Variants in TAS1R1 observed in about 807,000 individuals in gnomAD.
TAS1R1 encodes the protein taste 1 receptor member 1.
In TAS1R1, 31 loss-of-function variants were observed where a neutral mutation model predicts 45.8. The ratio of observed to expected loss-of-function variants is 0.68; its 90% CI spans 0.51 to 0.91. The LOEUF is 0.91. Among genes scored for constraint, TAS1R1 ranks in the 40% least tolerant of loss-of-function variants. The pLI is 0.00. For missense variants in TAS1R1, 1,051 were observed against 1,063.9 expected, an observed-to-expected ratio of 0.99 and a Z score of 0.17; for synonymous variants, 437 against 448.4, an observed-to-expected ratio of 0.97 and a Z score of 0.32.
Position 6,578,567 on chromosome 1 carries a change from A to G in TAS1R1, c.1595-86A>G, listed in dbSNP as rs978451031. The G allele has an allele frequency of 2.1e-5, 31 of 1,507,844 alleles. 1 individual carries two copies. The Middle Eastern group carries it at 7.5e-4, about 36-fold the overall frequency. 93.4% of individuals were successfully genotyped at this position (1,507,844 alleles called of 1,614,324 possible). ...AGTATAGTCTAGCTGCCCTGGTACAATTCTCCCAGTATCTTGCAGGCCCCT... is the reference window on the plus strand; with the variant it reads ...AGTATAGTCTAGCTGCCCTGGTACAGTTCTCCCAGTATCTTGCAGGCCCCT... On this transcript the variant is annotated intron_variant, in intron 5 of 5. Transcript: ENST00000333172.
chr1:6,572,915 G>A (rs1220581764), intron 2 of TAS1R1, among the ~76,000 whole-genome samples: 1 of 152,116 alleles, frequency 6.6e-6, no homozygotes. Flanking sequence ...CCAATCCTCT[G>A]GTGGAGGGTA....
chr1:6,556,983 C>T (rs1043182504), intron 1 of TAS1R1, among the ~76,000 whole-genome samples: 20 of 144,916 alleles, frequency 1.4e-4, no homozygotes, highest in Middle Eastern at 6.9e-3. Context: ...CATTCCAACC[C>T]GGGCGACAGA....
intron 1 of TAS1R1, among the ~76,000 whole-genome samples, chr1:6,556,524 G>A (rs1477485770): frequency 4.0e-5 from 6 of 151,816 alleles, no homozygotes; most frequent in African/African-American, 9.7e-5. Flanking sequence ...CCTTAGCCTC[G>A]GGAGTAGCTG....
At chr1:6,569,691 G>A (rs1179056212) in intron 1 of TAS1R1, among the ~76,000 whole-genome samples, 2 of 152,114 alleles carry the variant, frequency 1.3e-5, no homozygotes, top group Non-Finnish European at 2.9e-5. Flanking sequence ...TGTCCCGCAA[G>A]CCCTGTCTGG....
rs1224507096 is a variant in TAS1R1 at position 6,568,771 on chromosome 1, C to T, written c.192-2138C>T. On this transcript the variant is annotated intron_variant, in intron 1 of 5. Transcript: ENST00000333172. ...GTAGGATCTTGCTGATGAAGATTGGCGGCATGTGCCTGTGCTGCAAGCCAC... is the reference window on the plus strand; with the variant it reads ...GTAGGATCTTGCTGATGAAGATTGGTGGCATGTGCCTGTGCTGCAAGCCAC... 2.6e-5 allele frequency among the ~76,000 whole-genome samples: 4 copies of T among 151,996 alleles called. No homozygotes were observed. In the South Asian group the frequency reaches 6.2e-4, roughly 24 times the overall value.
intron 1 of TAS1R1, among the ~76,000 whole-genome samples, chr1:6,556,183 T>C (rs1639680890): frequency 6.6e-6 from 1 of 151,948 alleles, no homozygotes; most frequent in African/African-American, 2.4e-5. Flanking sequence ...TTTTTCCCTC[T>C]TCTATCTTCT....
intron 2 of TAS1R1, 51 bp downstream of exon 2, chr1:6,571,266 C>A: frequency 6.6e-7 from 1 of 1,505,874 alleles, no homozygotes; most frequent in Non-Finnish European, 8.9e-7. Flanking sequence ...CAAGTCTGGG[C>A]TGGGGCATGT....
Position 6,578,730 on chromosome 1 carries a change from G to A in TAS1R1, c.1672G>A (p.Val558Met). 3 of 1,613,500 alleles carry A rather than the reference G, an allele frequency of 1.9e-6. No homozygotes were observed. The highest frequency in any genetic ancestry group is 1.7e-6 in the Non-Finnish European group (2 of 1,179,620). The change falls in exon 6 of 6, where the codon GTG (valine) becomes ATG (methionine). Residue 558 changes from valine to methionine, a missense_variant. Physicochemically the swap from Val to Met is conservative, Grantham distance 21. Transcript: ENST00000333172. ...GSQTCFPRTVVFLALREHTSW... is the reference protein window; with the variant it reads ...GSQTCFPRTVMFLALREHTSW... ...CCAGACCTGCTTCCCGCGCACTGTG[G>A]TGTTTTTGGCTTTGCGTGAGCACAC...
At chr1:6,567,560 A>G (rs1268420422) in intron 1 of TAS1R1, among the ~76,000 whole-genome samples, 1 of 51,558 alleles carries the variant, frequency 1.9e-5, no homozygotes, top group Admixed American at 2.9e-4. Context: ...ACTCCGTCTC[A>G]AAGAAAAAAA....
At position 6,575,053 on chromosome 1, in the gene TAS1R1, G is replaced by T. The variant is rs769715667; in HGVS notation, c.921G>T (p.Arg307Ser). 1 of 1,587,624 alleles carries T rather than the reference G, an allele frequency of 6.3e-7. No individual in the cohort carries two copies. Among genetic ancestry groups the T allele is most frequent in the Admixed American group, 1.7e-5 (1 of 58,010 alleles). ...CCTCAGAAGCCTGGGCCCTCTCCAG[G>T]CACATCACTGGGGTGCCCGGGATCC... ...WVASEAWALS[R>S]HITGVPGIQR... Residue 307 changes from arginine (R) to serine (S), a missense_variant, in exon 3 of 6, where the codon AGG becomes AGT. Physicochemically the swap from Arg to Ser is moderately radical, Grantham distance 110. Coordinates refer to ENST00000333172, the MANE Select transcript of TAS1R1 (RefSeq NM_138697.4).
chr1:6,571,288 G>T, intron 2 of TAS1R1, 73 bp downstream of exon 2: 2 of 1,361,872 alleles, frequency 1.5e-6, no homozygotes, highest in Admixed American at 6.6e-5. Flanking sequence ...GGCAAGAGCT[G>T]CTGTCCCCCC....
intron 5 of TAS1R1, among the ~76,000 whole-genome samples, chr1:6,577,921 A>G (rs763383760): frequency 2.0e-4 from 30 of 152,292 alleles, no homozygotes; most frequent in South Asian, 1.4e-3. Flanking sequence ...ACTCCTACAA[A>G]AGCAGTCGTA....
Position 6,578,787 on chromosome 1 carries a change from C to G in TAS1R1, c.1729C>G (p.Leu577Val). 6.2e-7 allele frequency: 1 copy of G among 1,613,758 alleles called. No homozygotes were observed. Among genetic ancestry groups the G allele is most frequent in the South Asian group, 1.1e-5 (1 of 91,040 alleles). ...GGTGCTGCTGGCAGCTAACACGCTG[C>G]TGCTGCTGCTGCTGCTTGGGACTGC... ...SWVLLAANTL[L>V]LLLLLGTAGL... The change falls in exon 6 of 6, where the codon CTG becomes GTG. Residue 577 changes from leucine to valine, a missense_variant. Coordinates refer to ENST00000333172, the MANE Select transcript of TAS1R1 (RefSeq NM_138697.4).
At chr1:6,556,945 G>T (rs1201179488) in intron 1 of TAS1R1, among the ~76,000 whole-genome samples, 1 of 150,566 alleles carries the variant, frequency 6.6e-6, no homozygotes, top group Non-Finnish European at 1.5e-5. Flanking sequence ...GGAGGTGGAG[G>T]TTGCAGTGAG....
intron 1 of TAS1R1, among the ~76,000 whole-genome samples, chr1:6,566,420 A>C (rs1483577581): frequency 6.6e-6 from 1 of 152,180 alleles, no homozygotes; most frequent in East Asian, 1.9e-4. Context: ...CTGCCTGATT[A>C]ATGGCTTGGA....
chr1:6,570,939 C>T lies in TAS1R1; in HGVS notation c.222C>T (p.His74=). The change falls in exon 2 of 6, where the codon CAC becomes CAT. Residue 74 remains histidine (H), a synonymous_variant. Coordinates refer to ENST00000333172, the MANE Select transcript of TAS1R1 (RefSeq NM_138697.4). ...RSCSFNEHGY[H]LFQAMRLGVE... The stretch of plus-strand genomic sequence containing the variant: ...GTAGCTTCAATGAGCATGGCTACCA[C>T]CTCTTCCAGGCTATGCGGCTTGGGG... The T allele has an allele frequency of 6.2e-7, 1 of 1,609,604 alleles. No individual in the cohort carries two copies. The highest frequency in any genetic ancestry group is 8.5e-7 in the Non-Finnish European group (1 of 1,177,698).
At chr1:6,575,819 AG>A (rs1328939232) in intron 3 of TAS1R1, among the ~76,000 whole-genome samples, 1 of 151,690 alleles carries the variant, frequency 6.6e-6, no homozygotes, top group Non-Finnish European at 1.5e-5. Flanking sequence ...CAGCCTCCCA[AG>A]TAGGTGGGAC....
chr1:6,573,119 C>G (rs144904199), intron 2 of TAS1R1, among the ~76,000 whole-genome samples: 1 of 152,340 alleles, frequency 6.6e-6, no homozygotes, highest in African/African-American at 2.4e-5. Flanking sequence ...TAAATTTCTT[C>G]TAACTCATTC....
At chr1:6,562,973 C>G (rs1281190131) in intron 1 of TAS1R1, among the ~76,000 whole-genome samples, 1 of 152,178 alleles carries the variant, frequency 6.6e-6, no homozygotes, top group Non-Finnish European at 1.5e-5. Context: ...GTTTTATTCT[C>G]CCACTGGAGC....
Sources: gnomAD v4.1 joint callset for allele counts (sites outside exome capture counted in the v4.1 genomes callset) on GRCh38, gnomAD v4.1.1 for gene constraint, MANE v1.5 for transcripts, NCBI Gene and HGNC (gene_info 2026-07-23, HGNC 2026-07-21) for gene names.